The following USP9X variants were observed in gnomAD, a reference collection of about 807,000 sequenced individuals.
USP9X encodes the protein ubiquitin specific peptidase 9 X-linked, also known as ubiquitin carboxyl-terminal hydrolase 9X.
Under a neutral mutation model 190.3 loss-of-function variants are expected in USP9X, and 7 were observed. The ratio of observed to expected loss-of-function variants is 0.04; its 90% CI spans 0.02 to 0.07. The LOEUF (loss-of-function observed/expected upper bound fraction) is 0.07. Ranked by LOEUF, USP9X falls within the 10% of genes least tolerant of loss-of-function variation. The probability of loss-of-function intolerance (pLI) is 1.00; values close to 1 mark genes in which losing one functional copy is unlikely to be tolerated. For missense variants in USP9X, 1,010 were observed against 1,916.9 expected (o/e 0.53, Z 8.83); for synonymous variants, 645 against 659.5 (o/e 0.98, Z 0.34).
intron 11 of USP9X, 34 bp downstream of exon 11, chrX:41,144,660 A>G (rs762561240): frequency 3.5e-5 from 37 of 1,043,762 alleles, no homozygotes; most frequent in Non-Finnish European, 4.8e-5. Context: ...TTACCATTCT[A>G]TTTCAAATAG....
intron 30 of USP9X, among the ~76,000 whole-genome samples, chrX:41,200,779 T>C (rs191960689): frequency 6.4e-4 from 72 of 112,418 alleles, no homozygotes; most frequent in Non-Finnish European, 1.1e-3. Context: ...ATGTAGACAT[T>C]AGAATTATAC....
intron 1 of USP9X, among the ~76,000 whole-genome samples, chrX:41,089,931 T>C (rs913908236): frequency 1.2e-3 from 81 of 66,796 alleles, no homozygotes; most frequent in African/African-American, 4.6e-3. Flanking sequence ...TTTTTTTTTT[T>C]GAGACAGATT....
intron 9 of USP9X, 68 bp from the exon 10 acceptor site, chrX:41,143,223 A>C (rs965058644): frequency 1.4e-4 from 112 of 787,031 alleles, no homozygotes; most frequent in Non-Finnish European, 1.9e-4. Flanking sequence ...ATTTAATAAT[A>C]GTGTGAGCAA....
chrX:41,171,811 A>G, intron 20 of USP9X, 27 bp from the exon 21 acceptor site: 1 of 1,198,286 alleles, frequency 8.3e-7, no homozygotes, highest in South Asian at 1.8e-5. Context: ...ATTTAGAGGT[A>G]ATTATTTTGT....
intron 3 of USP9X, among the ~76,000 whole-genome samples, chrX:41,131,041 CA>C (rs1371253138): frequency 3.8e-4 from 37 of 96,784 alleles, no homozygotes; most frequent in Admixed American, 4.4e-4. Context: ...TGTCTCTTAC[CA>C]AAAAAAAAAA....
intron 5 of USP9X, among the ~76,000 whole-genome samples, chrX:41,136,416 C>T (rs2062373420): frequency 8.9e-6 from 1 of 112,562 alleles, no homozygotes; most frequent in African/African-American, 3.2e-5. Flanking sequence ...TTTCCTCAGC[C>T]TCCCAAAGTG....
At chrX:41,095,315 T>TA (rs1405448898) in intron 1 of USP9X, among the ~76,000 whole-genome samples, 1 of 111,757 alleles carries the variant, frequency 8.9e-6, no homozygotes, top group African/African-American at 3.3e-5. Context: ...ATGGCCCTAT[T>TA]AATTAGAGCA....
chrX:41,122,135 G>T (rs1601949403), intron 1 of USP9X, among the ~76,000 whole-genome samples: 1 of 110,230 alleles, frequency 9.1e-6, no homozygotes, highest in East Asian at 2.9e-4. Flanking sequence ...TGGAGAGAGC[G>T]GGGATCTTAA....
intron 38 of USP9X, among the ~76,000 whole-genome samples, chrX:41,222,382 C>G (rs1165940771): frequency 1.1e-5 from 1 of 89,419 alleles, no homozygotes; most frequent in African/African-American, 3.7e-5. Context: ...TGCTCCTTAG[C>G]TTATTACTGT....
chrX:41,126,923 C>G lies in USP9X; in HGVS notation c.97-2077C>G, dbSNP rs760440539. Among the ~76,000 whole-genome samples, 135 of 110,303 alleles carry G rather than the reference C, an allele frequency of 1.2e-3. 1 individual carries two copies. Among genetic ancestry groups the G allele is most frequent in the Admixed American group, 4.8e-3 (49 of 10,263 alleles). On this transcript the variant is annotated intron_variant, in intron 2 of 44. Transcript: ENST00000378308. ...TTTAAGCATGCCTTTAAAAAAAATT[C>G]TCTTAGAGAATTTTAGGCTTTAGTA...
chrX:41,176,137 C>G (rs767863413), intron 21 of USP9X, among the ~76,000 whole-genome samples: 96 of 110,841 alleles, frequency 8.7e-4, no homozygotes, highest in African/African-American at 3.1e-3. Flanking sequence ...ATCTCCAGAC[C>G]CCCCACCCTT....
At chrX:41,102,521 G>A (rs2062041185) in intron 1 of USP9X, among the ~76,000 whole-genome samples, 1 of 111,449 alleles carries the variant, frequency 9.0e-6, no homozygotes, top group African/African-American at 3.3e-5. Flanking sequence ...AACTTGAGAG[G>A]GTGAGGCACG....
At position 41,129,070 on chromosome X, in the gene USP9X, C is replaced by G. The variant is rs866511878; in HGVS notation, c.167C>G (p.Ala56Gly). 3 of 1,208,383 alleles carry G rather than the reference C, an allele frequency of 2.5e-6. No individual in the cohort carries two copies. Among genetic ancestry groups the G allele is most frequent in the Non-Finnish European group, 3.4e-6 (3 of 894,273 alleles). The part of the protein sequence containing the change: ...TPPDEQGQGD[A>G]PPQLEDEEPA... ...CCAGATGAGCAAGGTCAAGGTGATGCCCCACCACAGCTTGAAGATGAGGAA... is the reference window on the plus strand; with the variant it reads ...CCAGATGAGCAAGGTCAAGGTGATGGCCCACCACAGCTTGAAGATGAGGAA... Residue 56 changes from alanine (A) to glycine (G), a missense_variant, in exon 3 of 45, where the codon GCC (alanine) becomes GGC (glycine). Ala to Gly is a moderately conservative substitution (Grantham distance 60). Transcript: ENST00000378308.
chrX:41,135,299 T>G (rs2062361825), intron 5 of USP9X, among the ~76,000 whole-genome samples: 1 of 110,542 alleles, frequency 9.0e-6, no homozygotes. Flanking sequence ...ACCTTGGCAC[T>G]TGGTGGAGGG....
intron 21 of USP9X, among the ~76,000 whole-genome samples, chrX:41,172,228 A>AT (rs1481020478): frequency 8.9e-6 from 1 of 111,756 alleles, no homozygotes; most frequent in African/African-American, 3.3e-5. Flanking sequence ...CATGATCAAA[A>AT]CCAGGCTCAT....
chrX:41,170,479 G>A lies in USP9X; in HGVS notation c.2887G>A (p.Ala963Thr). 1 of 1,209,014 alleles carries A rather than the reference G, an allele frequency of 8.3e-7. No homozygotes were observed. Among genetic ancestry groups the A allele is most frequent in the Non-Finnish European group, 1.1e-6 (1 of 894,192 alleles). The change falls in exon 20 of 45, where the codon GCC becomes ACC. Residue 963 changes from alanine to threonine, a missense_variant. This residue lies in a region of USP9X where 351 missense variants were observed against 480.8 expected (regional missense o/e 0.73). Transcript: ENST00000378308. ...LNLKDKSLIT[A>T]KLTQISSNMP... ...AGTATATAATTTTCAGCTTATTACAGCCAAACTTACACAGATAAGTTCCAA... is the reference window on the plus strand; with the variant it reads ...AGTATATAATTTTCAGCTTATTACAACCAAACTTACACAGATAAGTTCCAA...
intron 1 of USP9X, among the ~76,000 whole-genome samples, chrX:41,094,335 C>T (rs2061974690): frequency 1.8e-5 from 2 of 109,420 alleles, no homozygotes; most frequent in African/African-American, 6.7e-5. Flanking sequence ...TGCCACTATA[C>T]CCGGCTAATT....
intron 26 of USP9X, among the ~76,000 whole-genome samples, chrX:41,191,379 G>A (rs2062934426): frequency 9.1e-6 from 1 of 110,116 alleles, no homozygotes; most frequent in Non-Finnish European, 1.9e-5. Context: ...CTGGCCCCAG[G>A]GGTTTCAAAT....
intron 1 of USP9X, among the ~76,000 whole-genome samples, chrX:41,104,486 C>G (rs1285802863): frequency 8.9e-6 from 1 of 112,167 alleles, no homozygotes; most frequent in African/African-American, 3.2e-5. Flanking sequence ...ACTGTTGAGG[C>G]TGTTCATTTA....
Sources: allele counts gnomAD v4.1 joint callset (sites outside exome capture counted in the v4.1 genomes callset), GRCh38; gene constraint gnomAD v4.1.1; regional missense constraint gnomAD v4.1.1; transcripts MANE v1.5; gene names NCBI Gene and HGNC (gene_info 2026-07-23, HGNC 2026-07-21).